The following RAI14 variants were observed in gnomAD, a reference collection of about 807,000 sequenced individuals.
RAI14 encodes the protein retinoic acid induced 14, also known as ankycorbin.
RAI14 carries 45 observed loss-of-function variants against 115.4 expected under a neutral mutation model. The observed-to-expected ratio is 0.39, with a 90% CI of 0.31 to 0.50. The LOEUF (loss-of-function observed/expected upper bound fraction) is 0.50. RAI14 is among the 20% of genes least tolerant of loss of function. The pLI is 0.85. For synonymous variants in RAI14, 371 were observed against 415.4 expected, an observed-to-expected ratio of 0.89 and a Z score of 1.30; for missense variants, 939 against 1,131.2, an observed-to-expected ratio of 0.83 and a Z score of 2.44.
chr5:34,743,370 T>C (rs1036060740), intron 2 of RAI14, among the ~76,000 whole-genome samples: 1 of 152,234 alleles, frequency 6.6e-6, no homozygotes, highest in African/African-American at 2.4e-5. Context: ...CCTCCATCTT[T>C]ACATCGCCTT....
intron 2 of RAI14, among the ~76,000 whole-genome samples, chr5:34,691,129 G>A (rs1738539779): frequency 6.6e-6 from 1 of 152,066 alleles, no homozygotes; most frequent in Non-Finnish European, 1.5e-5. Flanking sequence ...GGGATAGGTA[G>A]GAGTTGGAAG....
rs143259122 is a variant in RAI14, at chr5:34,814,503, A to G, written c.853-80A>G. 1.7e-4 allele frequency: 177 copies of G among 1,019,770 alleles called. 1 individual carries two copies. In the African/African-American group the frequency reaches 2.5e-3, roughly 15 times the overall value. The allele number at this position is 1,019,770 out of a possible 1,614,324, so 63.2% of individuals were successfully genotyped here. A position where few individuals can be genotyped will look rare whatever the true frequency, so the allele number is the denominator to read the frequency against. On this transcript the variant is annotated intron_variant, in intron 11 of 17. Transcript: ENST00000265109. ...TTAGATTTCATTGCATTGGTTAAAC[A>G]GGTTGATTCTTCGGCACTGGAGAAG... is the stretch of plus-strand genomic sequence containing the variant.
chr5:34,752,749 G>A (rs202164949), intron 2 of RAI14, among the ~76,000 whole-genome samples: 53,692 of 105,120 alleles, frequency 0.51, 14,576 homozygotes, highest in African/African-American at 0.55. Flanking sequence ...GTGTGTGTGT[G>A]TATATATATA....
chr5:34,807,864 T>C lies in RAI14; in HGVS notation c.379+7T>C, dbSNP rs1010483615. The stretch of plus-strand genomic sequence containing the variant: ...ACAGCTTTACATTATGCAGGTAACT[T>C]TCATTCTCCTATTTGTCTTCTTCTG... On this transcript the variant is annotated splice_region_variant and intron_variant, in intron 6 of 17. Transcript: ENST00000265109. 3.1e-6 allele frequency: 5 copies of C among 1,605,978 alleles called. No individual in the cohort carries two copies. The highest frequency in any genetic ancestry group is 4.3e-6 in the Non-Finnish European group (5 of 1,172,548).
intron 2 of RAI14, among the ~76,000 whole-genome samples, chr5:34,738,917 T>G (rs1745174767): frequency 6.6e-6 from 1 of 152,220 alleles, no homozygotes; most frequent in Non-Finnish European, 1.5e-5. Context: ...TCAAACCTCC[T>G]TAGTAGCTTA....
intron 3 of RAI14, among the ~76,000 whole-genome samples, chr5:34,767,421 C>T (rs370026798): frequency 1.6e-4 from 24 of 152,204 alleles, no homozygotes; most frequent in East Asian, 1.4e-3. Flanking sequence ...TGCACTCAGC[C>T]GCTATCACAC....
At chr5:34,784,509 C>A (rs1002072880) in intron 3 of RAI14, among the ~76,000 whole-genome samples, 4 of 152,140 alleles carry the variant, frequency 2.6e-5, no homozygotes, top group African/African-American at 7.2e-5. Context: ...GTGAGAGGGA[C>A]AGTAATTTTT....
At chr5:34,700,170 C>T (rs1158563596) in intron 2 of RAI14, among the ~76,000 whole-genome samples, 1 of 152,050 alleles carries the variant, frequency 6.6e-6, no homozygotes, top group African/African-American at 2.4e-5. Context: ...TATGATTTAG[C>T]CTAGGTTGGC....
Position 34,823,974 on chromosome 5 carries a change from A to G in RAI14, c.2132A>G (p.Asn711Ser). The G allele has an allele frequency of 6.2e-7, 1 of 1,614,120 alleles. No individual in the cohort carries two copies. Among genetic ancestry groups the G allele is most frequent in the South Asian group, 1.1e-5 (1 of 91,048 alleles). Residue 711 changes from asparagine (N) to serine (S), a missense_variant, in exon 15 of 18, where the codon AAT (asparagine) becomes AGT (serine). Coordinates refer to ENST00000265109, the MANE Select transcript of RAI14 (RefSeq NM_015577.3). The surrounding 1 kb of genome is among the most constrained non-coding windows in gnomAD (Gnocchi z 4.5). ...EMKSQYSKVL[N>S]ELTQLKQLVD... is the part of the protein sequence containing the mutation. ...AAGTCTCAGTATTCAAAAGTGTTGA[A>G]TGAGTTGACCCAGCTCAAACAACTG...
intron 4 of RAI14, among the ~76,000 whole-genome samples, chr5:34,799,685 A>ATTTTTTTTTTTTTTTTTTTTTTTTTTTTT (rs57115550): frequency 1.9e-5 from 2 of 103,414 alleles, no homozygotes; most frequent in Admixed American, 1.1e-4. Context: ...ATCTGTTAGC[A>ATTTTTTTTTTTTTTTTTTTTTTTTTTTTT]TTTTTTTTTT....
chr5:34,737,077 GA>G (rs1201643583), intron 2 of RAI14, among the ~76,000 whole-genome samples: 3 of 152,166 alleles, frequency 2.0e-5, no homozygotes, highest in Non-Finnish European at 2.9e-5. Context: ...CTCCTTATCA[GA>G]ATCTAATTGC....
intron 2 of RAI14, among the ~76,000 whole-genome samples, chr5:34,704,688 A>T (rs965323202): frequency 5.3e-5 from 8 of 152,208 alleles, no homozygotes; most frequent in Non-Finnish European, 7.3e-5. Context: ...AAATCTTTTT[A>T]AAAAATCATT....
At chr5:34,766,385 A>G (rs1015295633) in intron 3 of RAI14, among the ~76,000 whole-genome samples, 9 of 152,166 alleles carry the variant, frequency 5.9e-5, no homozygotes, top group Admixed American at 2.6e-4. Context: ...GCACAAGACC[A>G]TGGGAGCCCA....
chr5:34,813,718 G>A, intron 11 of RAI14, 58 bp downstream of exon 11: 2 of 1,429,142 alleles, frequency 1.4e-6, no homozygotes, highest in South Asian at 2.5e-5. Flanking sequence ...CCATAAATTT[G>A]TCATTTTGTT....
chr5:34,826,440 G>A lies in RAI14; in HGVS notation c.2760G>A (p.Ala920=), dbSNP rs34585027. The change falls in exon 16 of 18, where the codon GCG becomes GCA. Residue 920 remains alanine, a synonymous_variant. Coordinates refer to ENST00000265109, the MANE Select transcript of RAI14 (RefSeq NM_015577.3). ...SSKRQSQQLE[A]LQQQVKQLQN... ...AAAGGCAGAGTCAGCAGCTGGAGGC[G>A]CTGCAGCAGCAAGTCAAACAGCTCC... 5.2e-4 allele frequency: 835 copies of A among 1,613,900 alleles called. 1 individual carries two copies. In the African/African-American group the frequency reaches 7.7e-3, roughly 15 times the overall value.
At chr5:34,731,712 A>G (rs1267361779) in intron 2 of RAI14, among the ~76,000 whole-genome samples, 1 of 152,254 alleles carries the variant, frequency 6.6e-6, no homozygotes, top group Non-Finnish European at 1.5e-5. Flanking sequence ...AAAGAAATGA[A>G]TAGTTAATTT....
chr5:34,782,214 G>T (rs968810519), intron 3 of RAI14, among the ~76,000 whole-genome samples: 3 of 152,144 alleles, frequency 2.0e-5, no homozygotes, highest in African/African-American at 4.8e-5. Context: ...TTTGTTTATG[G>T]CTAGTTTTGG....
At chr5:34,737,894 AT>A (rs1745063805) in intron 2 of RAI14, among the ~76,000 whole-genome samples, 2 of 152,170 alleles carry the variant, frequency 1.3e-5, no homozygotes, top group Non-Finnish European at 2.9e-5. Context: ...TCATGGACAT[AT>A]TTTTTCCTGA....
chr5:34,683,816 C>T (rs559084682), intron 1 of RAI14, among the ~76,000 whole-genome samples: 2 of 152,192 alleles, frequency 1.3e-5, no homozygotes, highest in South Asian at 4.2e-4. Context: ...CAAGCTCCGC[C>T]TCCCGGGTTC....
Sources: gnomAD v4.1 joint callset for allele counts (sites outside exome capture counted in the v4.1 genomes callset) on GRCh38, gnomAD v4.1.1 for gene constraint, Gnocchi (gnomAD v3.1) non-coding constraint, MANE v1.5 for transcripts, NCBI Gene and HGNC (gene_info 2026-07-23, HGNC 2026-07-21) for gene names.